The following RBFOX3 variants were observed in gnomAD, a reference collection of about 807,000 sequenced individuals.
RBFOX3 encodes the protein RNA binding fox-1 homolog 3.
A neutral mutation model predicts 48.7 loss-of-function variants in RBFOX3; 17 were observed. That is an observed-to-expected ratio of 0.35 (90% CI 0.24 to 0.52). The LOEUF (loss-of-function observed/expected upper bound fraction) is 0.52, where lower values mean the gene tolerates loss of function less well. Ranked by LOEUF, RBFOX3 falls within the 20% of genes least tolerant of loss-of-function variation. The probability of loss-of-function intolerance (pLI) is 0.94; values close to 1 mark genes in which losing one functional copy is unlikely to be tolerated. For missense variants in RBFOX3, 382 were observed against 497.5 expected (o/e 0.77, Z 2.21); for synonymous variants, 212 against 209.5 (o/e 1.01, Z -0.10).
chr17:79,664,168 A>G, the RBFOX3 span, among the ~76,000 whole-genome samples: 276 of 119,112 alleles, frequency 2.3e-3, 4 homozygotes, highest in Admixed American at 0.012. Context: ...CGTTAAATTT[A>G]CCATTCTTAC....
rs115653720 is a variant in RBFOX3, at chr17:79,238,293, C to T, written c.-73-2488G>A. On this transcript the variant is annotated intron_variant, in intron 3 of 14. Transcript: ENST00000693108. Reference sequence around the variant, plus strand: ...AGTGAGTTCTTCTTCCAATTCAATACAATTTGATTCAATTGAATCCAGCCC... The same window carrying T: ...AGTGAGTTCTTCTTCCAATTCAATATAATTTGATTCAATTGAATCCAGCCC... Among the ~76,000 whole-genome samples, 989 of 152,316 alleles carry T rather than the reference C, an allele frequency of 6.5e-3. 7 individuals carry two copies. Among genetic ancestry groups the T allele is most frequent in the African/African-American group, 0.023 (943 of 41,560 alleles).
intron 5 of RBFOX3, among the ~76,000 whole-genome samples, chr17:79,114,847 G>C (rs541407569): frequency 6.6e-6 from 1 of 152,324 alleles, no homozygotes; most frequent in South Asian, 2.1e-4. Context: ...GCAGGGCCTG[G>C]TTTTTGTACC....
In RBFOX3 at chr17:79,335,686, G is replaced by A. The variant is rs1193389049; in HGVS notation, c.-174-27862C>T. 3.9e-5 allele frequency among the ~76,000 whole-genome samples: 6 copies of A among 152,240 alleles called. No homozygotes were observed. The South Asian group carries it at 1.2e-3, about 32-fold the overall frequency. On this transcript the variant is annotated intron_variant, in intron 2 of 14. Coordinates refer to ENST00000693108, the MANE Select transcript of RBFOX3 (RefSeq NM_001350451.2). ...TCCAGTGACATCTACAACCACGCTGGGTCTGGCCCTGCTCCCACGTGCTCA... is the reference window on the plus strand; with the variant it reads ...TCCAGTGACATCTACAACCACGCTGAGTCTGGCCCTGCTCCCACGTGCTCA...
intron 2 of RBFOX3, among the ~76,000 whole-genome samples, chr17:79,317,002 A>T (rs2145872541): frequency 6.6e-6 from 1 of 152,284 alleles, no homozygotes; most frequent in Admixed American, 6.5e-5. Context: ...ACGCACACAC[A>T]CAGATGTGCA....
chr17:79,313,002 G>A (rs2077057446), intron 2 of RBFOX3, among the ~76,000 whole-genome samples: 1 of 152,148 alleles, frequency 6.6e-6, no homozygotes, highest in Admixed American at 6.5e-5. Flanking sequence ...TAGGATGCTG[G>A]GAGAGTCTAC....
intron 14 of RBFOX3, chr17:79,092,042 C>A: frequency 9.1e-6 from 9 of 985,368 alleles, no homozygotes; most frequent in Non-Finnish European, 1.1e-5. Flanking sequence ...TGAAGGCCTG[C>A]GGGAGCACCC....
chr17:79,449,584 G>T (rs1275872237), intron 2 of RBFOX3, among the ~76,000 whole-genome samples: 1 of 148,448 alleles, frequency 6.7e-6, no homozygotes. Context: ...AATTATAGGT[G>T]AATATACTGA....
intron 3 of RBFOX3, among the ~76,000 whole-genome samples, chr17:79,271,296 G>A (rs138581909): frequency 0.011 from 1,724 of 152,230 alleles, 43 homozygotes; most frequent in African/African-American, 0.039. Context: ...GGCTGGTCTC[G>A]AATTCCTGAC....
intron 2 of RBFOX3, among the ~76,000 whole-genome samples, chr17:79,467,101 G>A (rs1301759270): frequency 6.6e-6 from 1 of 152,132 alleles, no homozygotes; most frequent in Non-Finnish European, 1.5e-5. Flanking sequence ...TGGCCTCATC[G>A]AGATGGCTCA....
At chr17:79,092,176 CTGT>C (rs1282445274) in intron 14 of RBFOX3, 32 of 985,390 alleles carry the variant, frequency 3.2e-5, no homozygotes, top group Non-Finnish European at 3.6e-5. Flanking sequence ...CCAGGCGTTT[CTGT>C]TGTTCTGTGC....
chr17:79,115,295 G>A (rs2033578812), intron 5 of RBFOX3, among the ~76,000 whole-genome samples, 199 bp downstream of exon 5: 1 of 152,206 alleles, frequency 6.6e-6, no homozygotes, highest in South Asian at 2.1e-4. Flanking sequence ...CGGGGGTCGA[G>A]CAGGGGCTGG....
chr17:79,658,665 C>T, the RBFOX3 span, among the ~76,000 whole-genome samples: 3 of 151,584 alleles, frequency 2.0e-5, no homozygotes, highest in Non-Finnish European at 4.4e-5. Context: ...ATTCCACTGC[C>T]TCCTCCCCTG....
At chr17:79,265,823 C>G in intron 3 of RBFOX3, among the ~76,000 whole-genome samples, 1 of 152,334 alleles carries the variant, frequency 6.6e-6, no homozygotes, top group Non-Finnish European at 1.5e-5. Flanking sequence ...CCTGCCAACT[C>G]TGGGCAGGTC....
At chr17:79,253,741 G>A (rs1156242907) in intron 3 of RBFOX3, among the ~76,000 whole-genome samples, 1 of 152,192 alleles carries the variant, frequency 6.6e-6, no homozygotes, top group East Asian at 1.9e-4. Flanking sequence ...GGGCATGGCA[G>A]TGTACCTAGC....
chr17:79,455,891 G>A (rs1555744630), intron 2 of RBFOX3, among the ~76,000 whole-genome samples: 1 of 152,164 alleles, frequency 6.6e-6, no homozygotes, highest in Non-Finnish European at 1.5e-5. Context: ...GTGCTACGTG[G>A]CGTCTGCCTC....
At chr17:79,316,440 G>A (rs1051770315) in intron 2 of RBFOX3, among the ~76,000 whole-genome samples, 18 of 152,222 alleles carry the variant, frequency 1.2e-4, no homozygotes, top group African/African-American at 4.1e-4. Flanking sequence ...CCTTGGGCAG[G>A]GGCGATGGCT....
chr17:79,522,214 G>A (rs2086206605), intron 1 of RBFOX3, among the ~76,000 whole-genome samples: 1 of 152,164 alleles, frequency 6.6e-6, no homozygotes, highest in African/African-American at 2.4e-5. Flanking sequence ...TGGTTCTCTG[G>A]TGCTGTTTTT....
chr17:79,542,437 C>T (rs980537632), intron 1 of RBFOX3, among the ~76,000 whole-genome samples: 16 of 152,166 alleles, frequency 1.1e-4, no homozygotes, highest in Admixed American at 3.9e-4. Flanking sequence ...AATGAATCAG[C>T]GAAGAAGCTG....
intron 1 of RBFOX3, among the ~76,000 whole-genome samples, chr17:79,583,530 C>A (rs1241847328): frequency 6.6e-6 from 1 of 152,082 alleles, no homozygotes; most frequent in Non-Finnish European, 1.5e-5. Context: ...GGAAGTCTTT[C>A]CTTAAGGGAG....
Sources: allele counts gnomAD v4.1 joint callset (sites outside exome capture counted in the v4.1 genomes callset), GRCh38; gene constraint gnomAD v4.1.1; transcripts MANE v1.5; gene names NCBI Gene and HGNC (gene_info 2026-07-23, HGNC 2026-07-21).